Variants in DNAH7 observed in about 807,000 individuals in gnomAD.
DNAH7 encodes the protein axonemal beta dynein heavy chain 7.
A neutral mutation model predicts 444.6 loss-of-function variants in DNAH7; 397 were observed. The observed-to-expected ratio is 0.89, with a 90% confidence interval of 0.82 to 0.97. DNAH7 has a LOEUF of 0.97. Ranked by LOEUF, DNAH7 falls within the 50% of genes least tolerant of loss-of-function variation. The pLI is 0.00. For synonymous variants in DNAH7, 1,636 were observed against 1,624.4 expected (o/e 1.01, Z -0.17); for missense variants, 4,902 against 4,800.8 (o/e 1.02, Z -0.62).
At chr2:195,838,567 A>G (rs1331791192) in intron 47 of DNAH7, among the ~76,000 whole-genome samples, 1 of 152,038 alleles carries the variant, frequency 6.6e-6, no homozygotes, top group Non-Finnish European at 1.5e-5. Flanking sequence ...GTAGCAGAAC[A>G]GAGATAACAG....
At chr2:196,054,930 CTG>C (rs1300213113) in intron 2 of DNAH7, among the ~76,000 whole-genome samples, 1 of 152,200 alleles carries the variant, frequency 6.6e-6, no homozygotes, top group African/African-American at 2.4e-5. Flanking sequence ...CCATGTGGAA[CTG>C]TGAGTCAACT....
chr2:195,936,146 G>A (rs1364946716), intron 20 of DNAH7, among the ~76,000 whole-genome samples: 1 of 152,174 alleles, frequency 6.6e-6, no homozygotes, highest in Non-Finnish European at 1.5e-5. Context: ...GGCCGAGGCA[G>A]GTGGATCACT....
intron 15 of DNAH7, among the ~76,000 whole-genome samples, chr2:195,982,043 G>A (rs1692611214): frequency 6.6e-6 from 1 of 152,092 alleles, no homozygotes; most frequent in African/African-American, 2.4e-5. Flanking sequence ...GAGCACGGGA[G>A]AAAATATTTG....
At chr2:195,911,741 C>T (rs1475435579) in intron 24 of DNAH7, among the ~76,000 whole-genome samples, 3 of 152,134 alleles carry the variant, frequency 2.0e-5, no homozygotes, top group African/African-American at 4.8e-5. Flanking sequence ...TACCTAGCTA[C>T]TCTGTCATTT....
intron 5 of DNAH7, among the ~76,000 whole-genome samples, chr2:196,046,138 G>A (rs1031671852): frequency 1.3e-5 from 2 of 151,948 alleles, no homozygotes; most frequent in African/African-American, 4.8e-5. Flanking sequence ...TAAATGTATA[G>A]CTGAGCTTAC....
chr2:195,777,779 T>C (rs66565659), intron 59 of DNAH7, 21 bp downstream of exon 59: 50,563 of 1,579,570 alleles, frequency 0.032, 1,087 homozygotes, highest in Non-Finnish European at 0.035. Context: ...TGCTTTTAGT[T>C]TTTTTGAAGG....
chr2:196,066,748 A>G (rs1453627382), intron 1 of DNAH7, among the ~76,000 whole-genome samples: 1 of 152,150 alleles, frequency 6.6e-6, no homozygotes, highest in Non-Finnish European at 1.5e-5. Context: ...ATATGTTAAA[A>G]TCTCCTTCAG....
chr2:195,921,526 T>C (rs762448196), intron 24 of DNAH7, among the ~76,000 whole-genome samples: 3 of 152,140 alleles, frequency 2.0e-5, no homozygotes, highest in African/African-American at 7.2e-5. Context: ...TTCTCACTTA[T>C]AAGTGAGAGC....
intron 31 of DNAH7, among the ~76,000 whole-genome samples, chr2:195,889,972 C>T (rs550871894): frequency 2.6e-5 from 4 of 152,274 alleles, no homozygotes; most frequent in East Asian, 1.9e-4. Context: ...GAAACAGTAG[C>T]CAGGTATTAG....
At chr2:195,919,698 TA>T (rs1687908959) in intron 24 of DNAH7, among the ~76,000 whole-genome samples, 1 of 152,256 alleles carries the variant, frequency 6.6e-6, no homozygotes, top group Admixed American at 6.5e-5. Context: ...TTAATTCAAT[TA>T]AATCAGTAGG....
intron 15 of DNAH7, among the ~76,000 whole-genome samples, chr2:195,975,739 G>A (rs1574929089): frequency 6.6e-6 from 1 of 152,146 alleles, no homozygotes; most frequent in South Asian, 2.1e-4. Context: ...AGCAGGATAG[G>A]GCAATGGGTA....
At chr2:195,894,711 A>G in intron 30 of DNAH7, 1 of 240,850 alleles carries the variant, frequency 4.2e-6, no homozygotes, top group Non-Finnish European at 7.9e-6. Flanking sequence ...TTCTGTTTTC[A>G]GACTTTTTTC....
At chr2:195,774,024 T>G (rs1372138219) in intron 60 of DNAH7, among the ~76,000 whole-genome samples, 1 of 152,218 alleles carries the variant, frequency 6.6e-6, no homozygotes, top group Non-Finnish European at 1.5e-5. Flanking sequence ...TGCTCACCCA[T>G]AACTATAATT....
At chr2:195,966,496 T>A (rs1691487975) in intron 17 of DNAH7, among the ~76,000 whole-genome samples, 1 of 152,200 alleles carries the variant, frequency 6.6e-6, no homozygotes, top group South Asian at 2.1e-4. Context: ...AATCTGATGT[T>A]TCTTTGTTGG....
intron 27 of DNAH7, chr2:195,905,722 GAA>G (rs1282819533): frequency 6.6e-6 from 1 of 151,864 alleles, no homozygotes; most frequent in Non-Finnish European, 1.5e-5. Context: ...AATAATCAAA[GAA>G]AATGGTGTGT....
intron 52 of DNAH7, 80 bp from the exon 53 acceptor site, chr2:195,808,956 T>G: frequency 7.9e-7 from 1 of 1,258,026 alleles, no homozygotes. Context: ...ATAAAAGAGT[T>G]GAGTGTTGAC....
intron 8 of DNAH7, among the ~76,000 whole-genome samples, chr2:196,020,072 A>T (rs1255676241): frequency 6.6e-6 from 1 of 152,096 alleles, no homozygotes; most frequent in African/African-American, 2.4e-5. Context: ...TACTTTATGA[A>T]TAGTAAATAT....
At position 195,881,932 on chromosome 2, in the gene DNAH7, C is replaced by T. The variant is rs1369301671; in HGVS notation, c.5824G>A (p.Asp1942Asn). The T allele has an allele frequency of 6.2e-7, 1 of 1,613,962 alleles. No homozygotes were observed. Among genetic ancestry groups the T allele is most frequent in the Non-Finnish European group, 8.5e-7 (1 of 1,179,910 alleles). Residue 1942 changes from aspartate to asparagine, a missense_variant, in exon 36 of 65, where the codon GAT becomes AAT. Coordinates refer to ENST00000312428, the MANE Select transcript of DNAH7 (RefSeq NM_018897.3). Reference sequence around the variant, plus strand: ...ACAATGATTTCATTAAACATTACATCTTTAGGAATTGGAGGAGCTTCTTTC... The same window carrying T: ...ACAATGATTTCATTAAACATTACATTTTTAGGAATTGGAGGAGCTTCTTTC... ...KLKEAPPIPKDVMFNEIIVPT... is the reference protein window; with the variant it reads ...KLKEAPPIPKNVMFNEIIVPT...
intron 12 of DNAH7, among the ~76,000 whole-genome samples, chr2:195,996,794 A>G (rs188076326): frequency 6.6e-6 from 1 of 152,358 alleles, no homozygotes; most frequent in East Asian, 1.9e-4. Flanking sequence ...TAACAAAACA[A>G]AATCATGTCT....
Sources: allele counts gnomAD v4.1 joint callset (sites outside exome capture counted in the v4.1 genomes callset), GRCh38; gene constraint gnomAD v4.1.1; transcripts MANE v1.5; gene names NCBI Gene and HGNC (gene_info 2026-07-23, HGNC 2026-07-21).